USP20: variants seen among roughly 807,000 people sequenced by gnomAD.
The protein encoded by USP20 is ubiquitin carboxyl-terminal hydrolase 20.
A neutral mutation model predicts 124.2 loss-of-function variants in USP20; 80 were observed. The ratio of observed to expected loss-of-function variants is 0.64; its 90% CI spans 0.54 to 0.78. USP20 has a LOEUF of 0.78. Ranked by LOEUF, USP20 falls within the 30% of genes least tolerant of loss-of-function variation. The pLI is 0.00. For missense variants in USP20, 1,043 were observed against 1,244.4 expected (o/e 0.84, Z 2.44); for synonymous variants, 481 against 512.3 (o/e 0.94, Z 0.83).
chr9:129,858,538 AT>A lies in USP20; in HGVS notation c.272del (p.Phe91SerfsTer29). The A allele has an allele frequency of 6.2e-7, 1 of 1,614,196 alleles. No individual in the cohort carries two copies. Among genetic ancestry groups the A allele is most frequent in the Non-Finnish European group, 8.5e-7 (1 of 1,180,028 alleles). On this transcript the variant is annotated frameshift_variant, in exon 6 of 26. Coordinates refer to ENST00000372429, the MANE Select transcript of USP20 (RefSeq NM_001110303.4). LOFTEE classifies it high-confidence loss of function. ...LWCYACEKEVFLEQRLAAPLL... is the reference protein window; with the variant it reads ...LWCYACEKEVXLEQRLAAPLL... ...GGTGTTACGCCTGTGAGAAGGAGGT[AT>A]TCCTGGAGCAGCGGCTGGCAGCCCC...
chr9:129,856,463 A>G, intron 4 of USP20, 103 bp downstream of exon 4: 1 of 1,372,668 alleles, frequency 7.3e-7, no homozygotes, highest in Non-Finnish European at 1.0e-6. Context: ...GGGAACTTCC[A>G]TCCCTAGTGG....
At chr9:129,853,900 G>A (rs1004076207) in intron 3 of USP20, among the ~76,000 whole-genome samples, 1 of 152,086 alleles carries the variant, frequency 6.6e-6, no homozygotes, top group Non-Finnish European at 1.5e-5. Context: ...GCTTGTCTGG[G>A]GTGCTCTGGG....
rs147910242 is a variant in USP20, at chr9:129,862,280, G to A, written c.497+668G>A. Among the ~76,000 whole-genome samples the A allele has an allele frequency of 2.6e-5, 4 of 152,298 alleles. No homozygotes were observed. In the East Asian group the frequency reaches 5.8e-4, roughly 22 times the overall value. ...ATAATTGACCACACCCAGGCTGGGC[G>A]CAGTAGCCCACGCCTGTAATCCCAG... On this transcript the variant is annotated intron_variant, in intron 8 of 25. Coordinates refer to ENST00000372429, the MANE Select transcript of USP20 (RefSeq NM_001110303.4).
rs1347905521 is a variant in USP20 at position 129,852,591 on chromosome 9, C to T, written c.36C>T (p.Asp12=). 1.9e-6 allele frequency: 3 copies of T among 1,600,384 alleles called. No individual in the cohort carries two copies. Among genetic ancestry groups the T allele is most frequent in the Non-Finnish European group, 2.6e-6 (3 of 1,172,902 alleles). Residue 12 remains aspartate (D), a synonymous_variant, in exon 3 of 26, where the codon GAC becomes GAT. Coordinates refer to ENST00000372429, the MANE Select transcript of USP20 (RefSeq NM_001110303.4). ...CCAGGGACCTTTGCCCTCACCTTGA[C>T]TCCATAGGAGAGGTGACCAAAGAGG... ...GDSRDLCPHL[D]SIGEVTKEDL...
intron 1 of USP20, among the ~76,000 whole-genome samples, chr9:129,844,623 C>CAAA (rs1191781066): frequency 1.1e-4 from 8 of 72,386 alleles, no homozygotes; most frequent in Middle Eastern, 7.0e-3. Flanking sequence ...GACTCTGTCT[C>CAAA]AAAAAAAAAA....
chr9:129,863,607 C>T (rs1214656007), intron 9 of USP20, among the ~76,000 whole-genome samples: 1 of 152,214 alleles, frequency 6.6e-6, no homozygotes, highest in East Asian at 1.9e-4. Flanking sequence ...TGCCAAGAGA[C>T]ATGGTGACCC....
chr9:129,856,303 A>G lies in USP20; in HGVS notation c.82-4A>G, dbSNP rs748536043. On this transcript the variant is annotated splice_region_variant and splice_polypyrimidine_tract_variant and intron_variant, in intron 3 of 25. Transcript: ENST00000372429. The stretch of plus-strand genomic sequence containing the variant: ...CTCTTTTTCTCTCCTCTCAACTCAC[A>G]CAGGGAACCTGTCAGTCGTGTGGGG... The G allele has an allele frequency of 6.2e-7, 1 of 1,614,136 alleles. No homozygotes were observed. Among genetic ancestry groups the G allele is most frequent in the Non-Finnish European group, 8.5e-7 (1 of 1,179,982 alleles).
At chr9:129,853,466 G>A (rs112348192) in intron 3 of USP20, among the ~76,000 whole-genome samples, 12 of 152,190 alleles carry the variant, frequency 7.9e-5, no homozygotes, top group South Asian at 6.2e-4. Context: ...ATGATGCTGC[G>A]ATGAATGGCC....
At chr9:129,872,244 C>G (rs142681359) in intron 15 of USP20, among the ~76,000 whole-genome samples, 4 of 152,026 alleles carry the variant, frequency 2.6e-5, no homozygotes, top group Non-Finnish European at 5.9e-5. Context: ...CCTCCGCCTC[C>G]TGGGTGCAAG....
intron 1 of USP20, among the ~76,000 whole-genome samples, chr9:129,845,120 G>A (rs924183472): frequency 1.3e-5 from 2 of 152,216 alleles, no homozygotes; most frequent in African/African-American, 4.8e-5. Context: ...TGGCCCCTGT[G>A]AGTCACCTGG....
At chr9:129,873,844 C>A in intron 17 of USP20, 100 bp downstream of exon 17, 1 of 1,438,328 alleles carries the variant, frequency 7.0e-7, no homozygotes, top group Non-Finnish European at 9.6e-7. Flanking sequence ...TCGGGCACTT[C>A]TGTGCTGCAG....
chr9:129,840,051 C>A (rs1294471707), intron 1 of USP20, among the ~76,000 whole-genome samples: 1 of 152,202 alleles, frequency 6.6e-6, no homozygotes, highest in Admixed American at 6.5e-5. Context: ...CCATCCTGTG[C>A]TCTCCTGCCC....
rs1271029712 is a variant in USP20, at chr9:129,839,909, G to A, written c.-129+4410G>A. Among the ~76,000 whole-genome samples the A allele has an allele frequency of 6.6e-6, 1 of 152,138 alleles. No homozygotes were observed. The highest frequency in any genetic ancestry group is 1.5e-5 in the Non-Finnish European group (1 of 68,004). The stretch of plus-strand genomic sequence containing the variant: ...TTGCCCCTCCACTTTGCCCCTGTGG[G>A]TGGAGTGGCACTTTCCCCCACCCTG... On this transcript the variant is annotated intron_variant, in intron 1 of 25. Coordinates refer to ENST00000372429, the MANE Select transcript of USP20 (RefSeq NM_001110303.4). This position sits in a 1 kb window ranked among gnomAD's most constrained non-coding sequence, Gnocchi z 4.5.
intron 1 of USP20, among the ~76,000 whole-genome samples, chr9:129,845,948 A>T (rs1027263638): frequency 1.3e-5 from 2 of 151,302 alleles, no homozygotes; most frequent in Non-Finnish European, 3.0e-5. Flanking sequence ...TTTTTGAGAC[A>T]GAGTCTCGCT....
In USP20 at chr9:129,879,575, C is replaced by T. The variant is rs201577203; in HGVS notation, c.2515C>T (p.Pro839Ser). ...EAFVKGKDNE[P>S]PGPIDNSRIA... The stretch of plus-strand genomic sequence containing the variant: ...CGAGCCCGCTGTGTCTGTTGCAGAG[C>T]CCCCCGGGCCCATTGACAACAGCAG... Residue 839 changes from proline (P) to serine (S), a missense_variant and splice_region_variant, in exon 24 of 26, where the codon CCC becomes TCC. Pro to Ser is a moderately conservative substitution (Grantham distance 74, BLOSUM62 -1). Transcript: ENST00000372429. The surrounding 1 kb of genome is among the most constrained non-coding windows in gnomAD (Gnocchi z 4.2). 132 of 1,613,052 alleles carry T rather than the reference C, an allele frequency of 8.2e-5. No individual in the cohort carries two copies. In the African/African-American group the frequency reaches 1.3e-3, roughly 16 times the overall value.
At chr9:129,846,753 A>G (rs1489519437) in intron 1 of USP20, among the ~76,000 whole-genome samples, 1 of 149,346 alleles carries the variant, frequency 6.7e-6, no homozygotes, top group African/African-American at 2.5e-5. Context: ...CAGCCTCCCT[A>G]CTAGCTGGGA....
At chr9:129,836,399 G>C (rs2031840458) in intron 1 of USP20, among the ~76,000 whole-genome samples, 1 of 152,178 alleles carries the variant, frequency 6.6e-6, no homozygotes, top group Non-Finnish European at 1.5e-5. Flanking sequence ...CGGAGTCTCC[G>C]AGGGGCAGTG....
intron 2 of USP20, among the ~76,000 whole-genome samples, chr9:129,850,757 G>A (rs2131047758): frequency 6.6e-6 from 1 of 152,284 alleles, no homozygotes. Context: ...CTGGGTTCAA[G>A]CGATTCTCCT....
chr9:129,878,714 G>T (rs1387041804), intron 23 of USP20, among the ~76,000 whole-genome samples: 2 of 152,184 alleles, frequency 1.3e-5, no homozygotes, highest in African/African-American at 4.8e-5. Flanking sequence ...CTCCTGCAAG[G>T]CCCTTTCCTC....
Sources: gnomAD v4.1 joint callset for allele counts (sites outside exome capture counted in the v4.1 genomes callset) on GRCh38, gnomAD v4.1.1 for gene constraint, Gnocchi (gnomAD v3.1) non-coding constraint, MANE v1.5 for transcripts, NCBI Gene and HGNC (gene_info 2026-07-23, HGNC 2026-07-21) for gene names.